Variants in AKAP7 observed in about 807,000 individuals in gnomAD.
AKAP7 encodes A-kinase anchoring protein 7, also known as A kinase (PRKA) anchor protein 7.
A neutral mutation model predicts 39.5 loss-of-function variants in AKAP7; 39 were observed. The observed-to-expected ratio is 0.99, with a 90% CI of 0.76 to 1.29. The LOEUF (loss-of-function observed/expected upper bound fraction) is 1.29. Among genes scored for constraint, AKAP7 ranks in the 50% most tolerant of loss-of-function variants. The probability of loss-of-function intolerance (pLI) is 0.00; values close to 1 mark genes in which losing one functional copy is unlikely to be tolerated. For synonymous variants in AKAP7, 140 were observed against 139.1 expected, an observed-to-expected ratio of 1.01 and a Z score of -0.05; for missense variants, 414 against 407.7, an observed-to-expected ratio of 1.02 and a Z score of -0.13.
chr6:131,180,481 T>C (rs1275637602), intron 5 of AKAP7, among the ~76,000 whole-genome samples: 1 of 152,196 alleles, frequency 6.6e-6, no homozygotes, highest in Non-Finnish European at 1.5e-5. Flanking sequence ...TCCTGCTAGC[T>C]TCTTCATTGT....
intron 7 of AKAP7, among the ~76,000 whole-genome samples, chr6:131,231,831 C>T (rs7755640): frequency 0.46 from 69,236 of 151,884 alleles, 16,032 homozygotes; most frequent in Admixed American, 0.52. Context: ...TTTCTTTTTG[C>T]ATCCTAAGTG....
At chr6:131,191,981 GC>G (rs1806457245) in intron 5 of AKAP7, among the ~76,000 whole-genome samples, 2 of 151,350 alleles carry the variant, frequency 1.3e-5, no homozygotes. Context: ...TATCCATGTT[GC>G]CCAGGCTGGT....
In AKAP7 at chr6:131,251,826, A is replaced by T. The variant is rs188689830; in HGVS notation, c.851-29704A>T. ...AGTCATTCACTTTCTAACAAAGACC[A>T]TTGGCATTCATTTGGCAGCCCAAGA... On this transcript the variant is annotated intron_variant, in intron 7 of 7. Coordinates refer to ENST00000431975, the MANE Select transcript of AKAP7 (RefSeq NM_016377.4). Among the ~76,000 whole-genome samples, 252 of 152,352 alleles carry T rather than the reference A, an allele frequency of 1.7e-3. 1 individual carries two copies. Among genetic ancestry groups the T allele is most frequent in the African/African-American group, 5.9e-3 (246 of 41,586 alleles).
chr6:131,158,420 A>G (rs1802615422), intron 2 of AKAP7, among the ~76,000 whole-genome samples: 1 of 152,150 alleles, frequency 6.6e-6, no homozygotes, highest in South Asian at 2.1e-4. Flanking sequence ...TGTAAGGTAA[A>G]GTGGTTCTTT....
chr6:131,249,611 G>A lies in AKAP7; in HGVS notation c.850+29803G>A, dbSNP rs192322153. On this transcript the variant is annotated intron_variant, in intron 7 of 7. Transcript: ENST00000431975. ...CTTTCCTAGAGTGTCATAAACTAAG[G>A]CTATTCCCTCTATAAGATAACAGAT... 1.7e-3 allele frequency among the ~76,000 whole-genome samples: 259 copies of A among 152,136 alleles called. 1 individual carries two copies. The highest frequency in any genetic ancestry group is 6.1e-3 in the African/African-American group (253 of 41,516).
intron 7 of AKAP7, among the ~76,000 whole-genome samples, chr6:131,234,768 A>G (rs969127825): frequency 6.6e-6 from 1 of 151,708 alleles, no homozygotes; most frequent in African/African-American, 2.4e-5. Flanking sequence ...TGATACAACT[A>G]GTAATTTATT....
intron 6 of AKAP7, among the ~76,000 whole-genome samples, chr6:131,212,129 C>T (rs1039602892): frequency 1.3e-5 from 2 of 152,174 alleles, no homozygotes; most frequent in African/African-American, 4.8e-5. Context: ...ATGCATGTTG[C>T]TTTCACACGT....
At position 131,199,582 on chromosome 6, in the gene AKAP7, A is replaced by G; in HGVS notation, c.702+9A>G. The G allele has an allele frequency of 3.2e-6, 5 of 1,571,918 alleles. No individual in the cohort carries two copies. Among genetic ancestry groups the G allele is most frequent in the Middle Eastern group, 1.7e-4 (1 of 5,978 alleles). Reference sequence around the variant, plus strand: ...CGTGGCTCCGTAAGAATGTGAGTGCATGTTCTTATTGCAAGCCTGTTTTAC... The same window carrying G: ...CGTGGCTCCGTAAGAATGTGAGTGCGTGTTCTTATTGCAAGCCTGTTTTAC... On this transcript the variant is annotated intron_variant, in intron 6 of 7. Transcript: ENST00000431975.
At chr6:131,178,751 G>A (rs1415585958) in intron 5 of AKAP7, among the ~76,000 whole-genome samples, 2 of 152,064 alleles carry the variant, frequency 1.3e-5, no homozygotes, top group African/African-American at 4.8e-5. Context: ...TGTTTGACCT[G>A]TCTGGGAAAC....
At chr6:131,214,696 A>G (rs1257928800) in intron 6 of AKAP7, among the ~76,000 whole-genome samples, 1 of 152,332 alleles carries the variant, frequency 6.6e-6, no homozygotes, top group African/African-American at 2.4e-5. Flanking sequence ...TTGATTTACT[A>G]ATATTCATGC....
At position 131,145,441 on chromosome 6, in the gene AKAP7, G is replaced by A. The variant is rs143232959; in HGVS notation, c.151+25G>A. The A allele has an allele frequency of 1.4e-4, 196 of 1,373,830 alleles. 1 individual carries two copies. Among genetic ancestry groups the A allele is most frequent in the East Asian group, 8.5e-4 (32 of 37,738 alleles). The allele number at this position is 1,373,830 out of a possible 1,614,324, so 85.1% of individuals were successfully genotyped here. ...AGTAAGTACTTTATTAAGTAAACGC[G>A]TATTTAGAAGCAATGAGTAGTAAAT... On this transcript the variant is annotated intron_variant, in intron 2 of 7. Transcript: ENST00000431975.
chr6:131,250,237 G>A (rs890919533), intron 7 of AKAP7: 174 of 1,054,400 alleles, frequency 1.7e-4, no homozygotes, highest in Admixed American at 3.1e-4. Flanking sequence ...TATGCAAATA[G>A]CCAGACAGAA....
chr6:131,282,896 C>G lies in AKAP7; in HGVS notation c.*1170C>G. 3.7e-6 allele frequency: 1 copy of G among 272,492 alleles called. No homozygotes were observed. The highest frequency in any genetic ancestry group is 7.0e-6 in the Non-Finnish European group (1 of 143,798). The allele number at this position is 272,492 out of a possible 1,614,324, so 16.9% of individuals were successfully genotyped here. A position where few individuals can be genotyped will look rare whatever the true frequency, so the allele number is the denominator to read the frequency against. ...TCGGGTCCTTGCAGAAAAAAACATA[C>G]AGACTGTGAACAAATCATTCACAAA... On this transcript the variant is annotated 3_prime_UTR_variant, in exon 8 of 8. Transcript: ENST00000431975.
At chr6:131,239,391 G>A (rs1163952597) in intron 7 of AKAP7, among the ~76,000 whole-genome samples, 1 of 152,048 alleles carries the variant, frequency 6.6e-6, no homozygotes, top group Non-Finnish European at 1.5e-5. Context: ...GTTTCTTGGA[G>A]TGCTCTTCTC....
chr6:131,184,623 C>T, intron 5 of AKAP7: 2 of 751,462 alleles, frequency 2.7e-6, no homozygotes, highest in Non-Finnish European at 5.0e-6. Flanking sequence ...AACAGGACAC[C>T]ACCTCCTCAG....
chr6:131,250,329 A>C, intron 7 of AKAP7: 2 of 1,317,324 alleles, frequency 1.5e-6, no homozygotes, highest in South Asian at 3.7e-5. Context: ...ACTGAATGCC[A>C]GTCCCAGAGC....
At chr6:131,190,512 C>T (rs1453678584) in intron 5 of AKAP7, among the ~76,000 whole-genome samples, 1 of 151,668 alleles carries the variant, frequency 6.6e-6, no homozygotes, top group African/African-American at 2.4e-5. Context: ...CATGGTGGTG[C>T]GTGCCTGTAA....
intron 6 of AKAP7, among the ~76,000 whole-genome samples, chr6:131,217,548 C>G (rs147208781): frequency 6.6e-6 from 1 of 152,016 alleles, no homozygotes; most frequent in Non-Finnish European, 1.5e-5. Flanking sequence ...AGGCGTCATG[C>G]CTTTTTGAAC....
chr6:131,150,372 T>A (rs1269425029), intron 2 of AKAP7, among the ~76,000 whole-genome samples: 1 of 152,192 alleles, frequency 6.6e-6, no homozygotes, highest in Non-Finnish European at 1.5e-5. Context: ...AATTGAAACT[T>A]ACCTTCACCT....
Sources: allele counts gnomAD v4.1 joint callset (sites outside exome capture counted in the v4.1 genomes callset), GRCh38; gene constraint gnomAD v4.1.1; transcripts MANE v1.5; gene names NCBI Gene and HGNC (gene_info 2026-07-23, HGNC 2026-07-21).